CAMK2B: variants seen among roughly 807,000 people sequenced by gnomAD.
CAMK2B encodes the protein calcium/calmodulin dependent protein kinase II beta.
Under a neutral mutation model 93.7 loss-of-function variants are expected in CAMK2B, and 27 were observed. The ratio of observed to expected loss-of-function variants is 0.29; its 90% CI spans 0.21 to 0.40. The LOEUF (loss-of-function observed/expected upper bound fraction) is 0.40. CAMK2B is among the 10% of genes least tolerant of loss of function. CAMK2B has a pLI of 1.00. For synonymous variants in CAMK2B, 374 were observed against 358.8 expected (o/e 1.04, Z -0.48); for missense variants, 568 against 895.8 (o/e 0.63, Z 4.67).
chr7:44,233,616 C>T (rs1348084087), intron 15 of CAMK2B, among the ~76,000 whole-genome samples: 1 of 152,134 alleles, frequency 6.6e-6, no homozygotes, highest in East Asian at 1.9e-4. Context: ...GGACACAGCA[C>T]AGCGCCCCAG....
intron 15 of CAMK2B, 45 bp downstream of exon 15, chr7:44,234,345 G>A: frequency 4.8e-6 from 7 of 1,456,536 alleles, no homozygotes; most frequent in Non-Finnish European, 6.4e-6. Context: ...CACACAGCCA[G>A]GGGCGTAGGA....
chr7:44,317,766 A>G (rs542192145), intron 1 of CAMK2B, among the ~76,000 whole-genome samples: 17 of 152,236 alleles, frequency 1.1e-4, no homozygotes, highest in African/African-American at 3.4e-4. Context: ...GCGGTGGGGT[A>G]GTAATGTCAT....
chr7:44,307,045 G>GT (rs1791951391), intron 1 of CAMK2B, among the ~76,000 whole-genome samples: 1 of 80,618 alleles, frequency 1.2e-5, no homozygotes, highest in Non-Finnish European at 2.6e-5. Context: ...GAGAGGAGGC[G>GT]GTGAGCAGGG....
chr7:44,219,732 T>G, intron 23 of CAMK2B: 1 of 392,022 alleles, frequency 2.6e-6, no homozygotes, highest in Non-Finnish European at 4.6e-6. Flanking sequence ...GGAACGCCCA[T>G]CTGGGGCTCT....
At position 44,279,063 on chromosome 7, in the gene CAMK2B, T is replaced by G. The variant is rs532205443; in HGVS notation, c.160+5068A>C. ...AATTCTGAGGAAACCTCTGAATCAT[T>G]AGAAACACAAACACAGGCTGCATAT... On this transcript the variant is annotated intron_variant, in intron 2 of 23. Transcript: ENST00000395749. 3.3e-5 allele frequency among the ~76,000 whole-genome samples: 5 copies of G among 152,090 alleles called. No individual in the cohort carries two copies. The South Asian group carries it at 1.0e-3, about 31-fold the overall frequency.
rs111626259 is a variant in CAMK2B at position 44,286,098 on chromosome 7, C to A, written c.66-1873G>T. On this transcript the variant is annotated intron_variant, in intron 1 of 23. Coordinates refer to ENST00000395749, the MANE Select transcript of CAMK2B (RefSeq NM_001220.5). This position sits in a 1 kb window ranked among gnomAD's most constrained non-coding sequence, Gnocchi z 4.0. Reference sequence around the variant, plus strand: ...TGGTCTGGCTTCAATCCTGGTTAGACGGGGTGACACAGCTCTCTGAGCCTC... The same window carrying A: ...TGGTCTGGCTTCAATCCTGGTTAGAAGGGGTGACACAGCTCTCTGAGCCTC... Among the ~76,000 whole-genome samples, 3,327 of 152,218 alleles carry A rather than the reference C, an allele frequency of 0.022. 51 individuals carry two copies. Among genetic ancestry groups the A allele is most frequent in the Middle Eastern group, 0.065 (19 of 294 alleles).
chr7:44,309,755 G>A (rs1792978888), intron 1 of CAMK2B, among the ~76,000 whole-genome samples: 1 of 152,238 alleles, frequency 6.6e-6, no homozygotes, highest in East Asian at 1.9e-4. Flanking sequence ...GGATCCAAAA[G>A]CCAGAGACAC....
rs2096894690 is a variant in CAMK2B, at chr7:44,263,182, T to C, written c.161-118A>G. ...CAGGGCCTCTGACGAGAGGAGTGGTTGTGCCCCCACCAAGGGAACACCCTT... is the reference window on the plus strand; with the variant it reads ...CAGGGCCTCTGACGAGAGGAGTGGTCGTGCCCCCACCAAGGGAACACCCTT... On this transcript the variant is annotated intron_variant, in intron 2 of 23. Coordinates refer to ENST00000395749, the MANE Select transcript of CAMK2B (RefSeq NM_001220.5). 2.9e-5 allele frequency: 26 copies of C among 899,504 alleles called. No individual in the cohort carries two copies. The South Asian group carries it at 4.7e-4, about 16-fold the overall frequency. The allele number at this position is 899,504 out of a possible 1,614,324, so 55.7% of individuals were successfully genotyped here.
chr7:44,287,941 C>A (rs954809587), intron 1 of CAMK2B, among the ~76,000 whole-genome samples: 3 of 152,232 alleles, frequency 2.0e-5, no homozygotes, highest in Non-Finnish European at 4.4e-5. Context: ...ATACTCTGGA[C>A]CTAGGTATCA....
intron 2 of CAMK2B, among the ~76,000 whole-genome samples, chr7:44,273,582 C>T (rs554358989): frequency 6.6e-6 from 1 of 152,296 alleles, no homozygotes; most frequent in South Asian, 2.1e-4. Flanking sequence ...GACACATACA[C>T]GTCCCACCAA....
intron 1 of CAMK2B, among the ~76,000 whole-genome samples, chr7:44,295,726 GTTC>G (rs1274598177): frequency 1.3e-5 from 2 of 152,204 alleles, no homozygotes; most frequent in African/African-American, 2.4e-5. Context: ...ACGGCGTTCT[GTTC>G]TTCTTAAAAC....
intron 1 of CAMK2B, among the ~76,000 whole-genome samples, chr7:44,296,078 T>C (rs1788231934): frequency 6.6e-6 from 1 of 151,936 alleles, no homozygotes; most frequent in African/African-American, 2.4e-5. Context: ...ACAAGGCATA[T>C]AAAAAGGCAG....
At chr7:44,324,211 G>T (rs1272080348) in intron 1 of CAMK2B, among the ~76,000 whole-genome samples, 1 of 152,204 alleles carries the variant, frequency 6.6e-6, no homozygotes, top group Non-Finnish European at 1.5e-5. Context: ...CACTTATTTA[G>T]TAAAGGAAAA....
intron 1 of CAMK2B, among the ~76,000 whole-genome samples, chr7:44,323,264 A>C (rs549774786): frequency 6.6e-6 from 1 of 152,312 alleles, no homozygotes; most frequent in East Asian, 1.9e-4. Context: ...CTCTTGTCCC[A>C]GGTCATGGGG....
At chr7:44,278,334 G>T (rs1305271972) in intron 2 of CAMK2B, among the ~76,000 whole-genome samples, 1 of 152,212 alleles carries the variant, frequency 6.6e-6, no homozygotes, top group Non-Finnish European at 1.5e-5. Context: ...ATCCCTGTGA[G>T]GTAGATACTT....
chr7:44,246,908 A>G (rs2096736668), intron 6 of CAMK2B, among the ~76,000 whole-genome samples: 1 of 151,944 alleles, frequency 6.6e-6, no homozygotes, highest in Non-Finnish European at 1.5e-5. Context: ...GCACGCACAT[A>G]TGCACACCAT....
chr7:44,220,139 C>G lies in CAMK2B; in HGVS notation c.1924G>C (p.Val642Leu). 6.2e-7 allele frequency: 1 copy of G among 1,612,340 alleles called. No individual in the cohort carries two copies. Reference sequence around the variant, plus strand: ...CACTTGCCGTCGCGGCGGTGCCACACGCGGGTCTCCTCAGACTGGCTGGTG... The same window carrying G: ...CACTTGCCGTCGCGGCGGTGCCACAGGCGGGTCTCCTCAGACTGGCTGGTG... ...PRTSQSEETR[V>L]WHRRDGKWQN... The change falls in exon 23 of 24, where the codon GTG (valine) becomes CTG (leucine). Residue 642 changes from valine to leucine, a missense_variant. Coordinates refer to ENST00000395749, the MANE Select transcript of CAMK2B (RefSeq NM_001220.5).
intron 15 of CAMK2B, among the ~76,000 whole-genome samples, chr7:44,234,014 A>C (rs1249929896): frequency 1.3e-5 from 2 of 152,168 alleles, no homozygotes; most frequent in African/African-American, 4.8e-5. Context: ...AGGATGGTGG[A>C]GGAGCTGAGG....
At chr7:44,241,832 G>T in intron 10 of CAMK2B, 49 bp from the exon 11 acceptor site, 1 of 1,493,274 alleles carries the variant, frequency 6.7e-7, no homozygotes. Flanking sequence ...AGGCACAGGG[G>T]AGAGGCCAGG....
Sources: allele counts gnomAD v4.1 joint callset (sites outside exome capture counted in the v4.1 genomes callset), GRCh38; gene constraint gnomAD v4.1.1; non-coding constraint Gnocchi (gnomAD v3.1); transcripts MANE v1.5; gene names NCBI Gene and HGNC (gene_info 2026-07-23, HGNC 2026-07-21).